Variants in GCN1 observed in about 807,000 individuals in gnomAD.
The protein encoded by GCN1 is GCN1 activator of EIF2AK4, also known as stalled ribosome sensor GCN1.
A neutral mutation model predicts 288.4 loss-of-function variants in GCN1; 90 were observed. That is an observed-to-expected ratio of 0.31 (90% CI 0.26 to 0.37). GCN1 has a LOEUF of 0.37. GCN1 is among the 10% of genes least tolerant of loss of function. The pLI, the probability that GCN1 is intolerant of heterozygous loss-of-function variation, is 1.00. For missense variants in GCN1, 2,586 were observed against 3,419.9 expected (o/e 0.76, Z 6.08); for synonymous variants, 1,386 against 1,420.2 (o/e 0.98, Z 0.54).
At chr12:120,178,581 TCC>T in intron 7 of GCN1, 42 bp downstream of exon 7, 5 of 1,608,466 alleles carry the variant, frequency 3.1e-6, no homozygotes, top group Non-Finnish European at 4.3e-6. Context: ...GCTCCCAACA[TCC>T]CCAACATAGC....
At chr12:120,193,707 A>T (rs1879080849) in intron 1 of GCN1, among the ~76,000 whole-genome samples, 1 of 152,208 alleles carries the variant, frequency 6.6e-6, no homozygotes, top group Non-Finnish European at 1.5e-5. Context: ...AGTGAGTATC[A>T]ATGTTAAACA....
intron 39 of GCN1, 53 bp from the exon 40 acceptor site, chr12:120,145,114 G>C (rs1047796459): frequency 6.2e-7 from 1 of 1,609,784 alleles, no homozygotes; most frequent in African/African-American, 1.3e-5. Context: ...CTCAAAACAA[G>C]GTAGCCACAT....
chr12:120,170,216 G>A lies in GCN1; in HGVS notation c.1472C>T (p.Ala491Val), dbSNP rs770551562. Residue 491 changes from alanine to valine, a missense_variant, in exon 15 of 58, where the codon GCC becomes GTC. Coordinates refer to ENST00000300648, the MANE Select transcript of GCN1 (RefSeq NM_006836.2). ...CAACTTTAAGAGCAACAAGGCTGCG[G>A]CAACCCCTTCAGTGATGGTGGGAAC... ...TQVPTITEGV[A>V]AALLLLKLSV... 64 of 1,614,020 alleles carry A rather than the reference G, an allele frequency of 4.0e-5. No homozygotes were observed.
At chr12:120,183,745 A>G in intron 4 of GCN1, 68 bp from the exon 5 acceptor site, 1 of 917,236 alleles carries the variant, frequency 1.1e-6, no homozygotes, top group Non-Finnish European at 1.8e-6. Flanking sequence ...ACTGTCCCTA[A>G]GGCCCCGCCT....
intron 45 of GCN1, among the ~76,000 whole-genome samples, chr12:120,140,451 G>A (rs567724241): frequency 1.3e-5 from 2 of 152,208 alleles, no homozygotes; most frequent in East Asian, 3.9e-4. Flanking sequence ...CTAAGGGTGA[G>A]TGCACACCCC....
At position 120,147,040 on chromosome 12, in the gene GCN1, C is replaced by G; in HGVS notation, c.4947+12G>C. 1 of 1,505,916 alleles carries G rather than the reference C, an allele frequency of 6.6e-7. No homozygotes were observed. The allele number at this position is 1,505,916 out of a possible 1,614,324, so 93.3% of individuals were successfully genotyped here. A position where few individuals can be genotyped will look rare whatever the true frequency, so the allele number is the denominator to read the frequency against. The stretch of plus-strand genomic sequence containing the variant: ...CTGGTCTATCCCACACTAGCCTCAG[C>G]TGGGCCGCTACCTTCTGGTCTGTCA... On this transcript the variant is annotated intron_variant, in intron 38 of 57. Transcript: ENST00000300648.
At chr12:120,168,789 G>A (rs774693363) in intron 15 of GCN1, among the ~76,000 whole-genome samples, 13 of 151,770 alleles carry the variant, frequency 8.6e-5, no homozygotes, top group Non-Finnish European at 1.8e-4. Flanking sequence ...CTTAAGCTAC[G>A]GATATATTTC....
chr12:120,164,438 C>A lies in GCN1; in HGVS notation c.1746G>T (p.Arg582Ser), dbSNP rs372293974. Residue 582 changes from arginine (R) to serine (S), a missense_variant, in exon 18 of 58, where the codon AGG becomes AGT. By Grantham distance (110) the Arg-to-Ser change is moderately radical. Transcript: ENST00000300648. ...VLLSRTWHVR[R>S]QAQQTVRKLL... is the part of the protein sequence containing the mutation. ...GCTTCCGAACTGTCTGCTGAGCCTG[C>A]CTGCGGACGTGCCAGGTGCGGCTCA... The A allele has an allele frequency of 9.4e-5, 152 of 1,614,020 alleles. No individual in the cohort carries two copies. The African/African-American group carries it at 1.1e-3, about 12-fold the overall frequency.
intron 16 of GCN1, among the ~76,000 whole-genome samples, chr12:120,165,202 T>A (rs1174405860): frequency 6.6e-6 from 1 of 150,684 alleles, no homozygotes; most frequent in Non-Finnish European, 1.5e-5. Flanking sequence ...ACCCGCTAAT[T>A]TTTTTATATT....
Position 120,180,915 on chromosome 12 carries a change from G to A in GCN1, c.427-1965C>T, listed in dbSNP as rs12231854. On this transcript the variant is annotated intron_variant, in intron 5 of 57. Coordinates refer to ENST00000300648, the MANE Select transcript of GCN1 (RefSeq NM_006836.2). Reference sequence around the variant, plus strand: ...TGAGGCAGGAGAATGGCGTGAACCCGTGAGGCGGAGCTTGCACTGAGCCGA... The same window carrying A: ...TGAGGCAGGAGAATGGCGTGAACCCATGAGGCGGAGCTTGCACTGAGCCGA... 0.011 allele frequency among the ~76,000 whole-genome samples: 1,607 copies of A among 151,520 alleles called. 87 individuals are homozygous for A. The East Asian group carries it at 0.14, about 14-fold the overall frequency.
At chr12:120,189,066 G>T (rs934929584) in intron 2 of GCN1, among the ~76,000 whole-genome samples, 1 of 152,034 alleles carries the variant, frequency 6.6e-6, no homozygotes, top group African/African-American at 2.4e-5. Flanking sequence ...GGGGGAAGAA[G>T]GCCATGGTTC....
rs761516062 is a variant in GCN1 at position 120,153,196 on chromosome 12, G to A, written c.4062+17C>T. Reference sequence around the variant, plus strand: ...TTCTCTAACCGACATGTGGGTCCCAGGCCAGATGGCAGGTACCTGCTGGGA... The same window carrying A: ...TTCTCTAACCGACATGTGGGTCCCAAGCCAGATGGCAGGTACCTGCTGGGA... On this transcript the variant is annotated intron_variant, in intron 33 of 57. Coordinates refer to ENST00000300648, the MANE Select transcript of GCN1 (RefSeq NM_006836.2). This position sits in a 1 kb window ranked among gnomAD's most constrained non-coding sequence, Gnocchi z 4.4. 2 of 1,611,054 alleles carry A rather than the reference G, an allele frequency of 1.2e-6. No homozygotes were observed. Among genetic ancestry groups the A allele is most frequent in the Admixed American group, 1.7e-5 (1 of 60,010 alleles).
chr12:120,192,098 ATTACCC>A (rs1566323657), intron 1 of GCN1, among the ~76,000 whole-genome samples: 1 of 151,998 alleles, frequency 6.6e-6, no homozygotes, highest in Non-Finnish European at 1.5e-5. Flanking sequence ...GGTGTTAATA[ATTACCC>A]TTTCCCACCT....
intron 7 of GCN1, 40 bp from the exon 8 acceptor site, chr12:120,177,792 A>C: frequency 1.0e-4 from 147 of 1,417,588 alleles, no homozygotes; most frequent in Non-Finnish European, 1.3e-4. Context: ...TGACATTCTC[A>C]AGTATCTCAT....
At chr12:120,152,988 C>T (rs1877616932) in intron 33 of GCN1, among the ~76,000 whole-genome samples, 1 of 152,056 alleles carries the variant, frequency 6.6e-6, no homozygotes, top group African/African-American at 2.4e-5. Flanking sequence ...AAAAATGAAA[C>T]TATCTGGGAG....
chr12:120,171,637 G>A (rs923933305), intron 14 of GCN1, among the ~76,000 whole-genome samples: 82 of 152,058 alleles, frequency 5.4e-4, no homozygotes, highest in African/African-American at 2.0e-3. Flanking sequence ...TTATTACAGA[G>A]GTTTATTTTC....
rs772762480 is a variant in GCN1 at position 120,131,333 on chromosome 12, G to A, written c.7415C>T (p.Ala2472Val). 5.6e-6 allele frequency: 9 copies of A among 1,613,560 alleles called. No individual in the cohort carries two copies. The highest frequency in any genetic ancestry group is 2.2e-5 in the South Asian group (2 of 91,074). The change falls in exon 55 of 58, where the codon GCG becomes GTG. Residue 2472 changes from alanine (A) to valine (V), a missense_variant and splice_region_variant. Coordinates refer to ENST00000300648, the MANE Select transcript of GCN1 (RefSeq NM_006836.2). ...LSAVLQQCLLADVSGIDWMVR... is the reference protein window; with the variant it reads ...LSAVLQQCLLVDVSGIDWMVR... ...CATCCAGTCAATGCCGGACACGTCCGCTGGGTGGAAGGACACGACTGGGAT... is the reference window on the plus strand; with the variant it reads ...CATCCAGTCAATGCCGGACACGTCCACTGGGTGGAAGGACACGACTGGGAT...
At position 120,129,348 on chromosome 12, in the gene GCN1, G is replaced by A. The variant is rs368130639; in HGVS notation, c.7818C>T (p.Thr2606=). 5.0e-5 allele frequency: 80 copies of A among 1,613,950 alleles called. No homozygotes were observed. Among genetic ancestry groups the A allele is most frequent in the African/African-American group, 9.3e-5 (7 of 74,882 alleles). The change falls in exon 57 of 58, where the codon ACC becomes ACT. Residue 2606 remains threonine, a synonymous_variant. Transcript: ENST00000300648. ...ALLDNTKDKN[T]VVRAYSDQAI... ...CCTGGTCGCTGTAGGCCCTGACCAC[G>A]GTGTTCTTATCCTTGGTGTTGTCAA...
In GCN1 at chr12:120,137,675, T is replaced by C. The variant is rs1344568212; in HGVS notation, c.6533A>G (p.Tyr2178Cys). Residue 2178 changes from tyrosine to cysteine, a missense_variant, in exon 49 of 58, where the codon TAC (tyrosine) becomes TGC (cysteine). Physicochemically the swap from Tyr to Cys is radical, Grantham distance 194 (BLOSUM62 -2). Coordinates refer to ENST00000300648, the MANE Select transcript of GCN1 (RefSeq NM_006836.2). The surrounding 1 kb of genome is among the most constrained non-coding windows in gnomAD (Gnocchi z 5.2). ...RQAAAIILNI[Y>C]CSRSKADYTS... Reference sequence around the variant, plus strand: ...GTAGTCAGCCTTTGAGCGGGAACAGTAGATGTTGAGGATGATGGCAGCAGC... The same window carrying C: ...GTAGTCAGCCTTTGAGCGGGAACAGCAGATGTTGAGGATGATGGCAGCAGC... The C allele has an allele frequency of 9.3e-6, 15 of 1,613,780 alleles. No individual in the cohort carries two copies. The Admixed American group carries it at 2.0e-4, about 22-fold the overall frequency.
Sources: allele counts gnomAD v4.1 joint callset (sites outside exome capture counted in the v4.1 genomes callset), GRCh38; gene constraint gnomAD v4.1.1; non-coding constraint Gnocchi (gnomAD v3.1); transcripts MANE v1.5; gene names NCBI Gene and HGNC (gene_info 2026-07-23, HGNC 2026-07-21).